The following MITF variants were observed in gnomAD, a reference collection of about 807,000 sequenced individuals.
MITF encodes microphthalmia-associated transcription factor.
In MITF, 17 loss-of-function variants were observed where a neutral mutation model predicts 60.5. The observed-to-expected ratio is 0.28, with a 90% CI of 0.19 to 0.42. The LOEUF (loss-of-function observed/expected upper bound fraction) is 0.42, where lower values mean the gene tolerates loss of function less well. MITF is among the 10% of genes least tolerant of loss of function. MITF has a pLI of 1.00. For missense variants in MITF, 622 were observed against 683.5 expected, an observed-to-expected ratio of 0.91 and a Z score of 1.00; for synonymous variants, 260 against 248.5, an observed-to-expected ratio of 1.05 and a Z score of -0.43.
Position 69,834,800 on chromosome 3 carries a change from A to G in MITF, c.105-44334A>G, listed in dbSNP as rs572385730. On this transcript the variant is annotated intron_variant, in intron 1 of 9. Transcript: ENST00000352241. ...ATTTACAATCTCTCTAACAGTGTGT[A>G]AGTGTTCCTTTTTCTCCACATCCTC... Among the ~76,000 whole-genome samples, 26 of 150,900 alleles carry G rather than the reference A, an allele frequency of 1.7e-4. No homozygotes were observed. The South Asian group carries it at 5.0e-3, about 29-fold the overall frequency.
chr3:69,822,593 G>A (rs2063293062), intron 1 of MITF, among the ~76,000 whole-genome samples: 1 of 152,062 alleles, frequency 6.6e-6, no homozygotes, highest in Non-Finnish European at 1.5e-5. Context: ...AACCCGAACA[G>A]AAACAAGAAA....
chr3:69,900,517 TGACTCATGAG>T (rs2064972558), intron 2 of MITF, among the ~76,000 whole-genome samples: 1 of 152,172 alleles, frequency 6.6e-6, no homozygotes, highest in Admixed American at 6.6e-5. Context: ...TCATCCTGAT[TGACTCATGAG>T]GTGACACTGG....
intron 1 of MITF, among the ~76,000 whole-genome samples, chr3:69,834,163 AAAAGAT>A (rs2063501687): frequency 6.6e-6 from 1 of 152,200 alleles, no homozygotes; most frequent in African/African-American, 2.4e-5. Flanking sequence ...CTTTGTGGTG[AAAAGAT>A]TCAAAAACCT....
intron 2 of MITF, among the ~76,000 whole-genome samples, chr3:69,926,590 G>C (rs764597610): frequency 6.6e-6 from 1 of 152,138 alleles, no homozygotes; most frequent in Admixed American, 6.5e-5. Context: ...AGACGTCTGC[G>C]ATTCTGAGGC....
intron 1 of MITF, among the ~76,000 whole-genome samples, chr3:69,859,466 G>C (rs1259903802): frequency 6.6e-6 from 1 of 152,074 alleles, no homozygotes; most frequent in East Asian, 1.9e-4. Context: ...CTCCTCCTTG[G>C]ACCAGAATGG....
intron 1 of MITF, among the ~76,000 whole-genome samples, chr3:69,834,978 T>C (rs2063517330): frequency 6.6e-6 from 1 of 151,576 alleles, no homozygotes; most frequent in African/African-American, 2.4e-5. Context: ...TGTGTATATT[T>C]TCTTTTGAAA....
intron 6 of MITF, 150 bp from the exon 7 acceptor site, chr3:69,951,662 T>C: frequency 1.5e-6 from 1 of 647,972 alleles, no homozygotes; most frequent in Non-Finnish European, 2.8e-6. Context: ...GCAAGCTTTT[T>C]AAAAAGATAT....
intron 2 of MITF, among the ~76,000 whole-genome samples, chr3:69,899,048 G>C (rs1295331634): frequency 6.6e-6 from 1 of 152,172 alleles, no homozygotes; most frequent in Non-Finnish European, 1.5e-5. Context: ...AGTAATTGCT[G>C]TAAAGGAAAG....
chr3:69,843,198 A>G (rs2063671150), intron 1 of MITF, among the ~76,000 whole-genome samples: 1 of 152,222 alleles, frequency 6.6e-6, no homozygotes, highest in Non-Finnish European at 1.5e-5. Context: ...TGTGAAGAAC[A>G]GATGTTCATT....
intron 1 of MITF, among the ~76,000 whole-genome samples, chr3:69,817,789 T>A (rs2063205274): frequency 6.6e-6 from 1 of 152,162 alleles, no homozygotes; most frequent in Non-Finnish European, 1.5e-5. Flanking sequence ...GTAATAACAA[T>A]AATGTACAAG....
chr3:69,937,721 G>A (rs1559732649), intron 2 of MITF, 101 bp from the exon 3 acceptor site: 4 of 937,022 alleles, frequency 4.3e-6, no homozygotes, highest in South Asian at 1.4e-5. Context: ...AATTTATTCT[G>A]TTGGTGGCCT....
At chr3:69,771,176 G>GAC (rs1015145303) in intron 1 of MITF, among the ~76,000 whole-genome samples, 2 of 151,780 alleles carry the variant, frequency 1.3e-5, no homozygotes, top group Non-Finnish European at 2.9e-5. Flanking sequence ...CAGCCAGAGA[G>GAC]ACTTGGGCAA....
intron 1 of MITF, among the ~76,000 whole-genome samples, chr3:69,833,923 A>G (rs1347503608): frequency 6.6e-6 from 1 of 152,220 alleles, no homozygotes; most frequent in Non-Finnish European, 1.5e-5. Flanking sequence ...TGCCTCTTTC[A>G]TGCACTACTG....
chr3:69,793,006 T>TA (rs1241335673), intron 1 of MITF, among the ~76,000 whole-genome samples: 4 of 121,630 alleles, frequency 3.3e-5, no homozygotes, highest in African/African-American at 9.5e-5. Flanking sequence ...AGCTTTTTTT[T>TA]TTTTTTTTTT....
chr3:69,878,874 T>G (rs1258445925), intron 1 of MITF, among the ~76,000 whole-genome samples: 1 of 143,364 alleles, frequency 7.0e-6, no homozygotes, highest in African/African-American at 2.5e-5. Flanking sequence ...GCATAAAATG[T>G]AAAAAAAAAA....
chr3:69,793,075 C>T (rs1254805941), intron 1 of MITF, among the ~76,000 whole-genome samples: 7 of 123,168 alleles, frequency 5.7e-5, no homozygotes, highest in African/African-American at 1.8e-4. Flanking sequence ...TACAGTGGTG[C>T]AATCACCGTT....
chr3:69,941,355 A>G, intron 5 of MITF, 24 bp downstream of exon 5: 3 of 1,500,472 alleles, frequency 2.0e-6, no homozygotes, highest in Non-Finnish European at 2.8e-6. Flanking sequence ...TTTTTTAAGT[A>G]GAAAATCTTG....
At chr3:69,760,062 G>A (rs2062189466) in intron 1 of MITF, among the ~76,000 whole-genome samples, 3 of 152,226 alleles carry the variant, frequency 2.0e-5, no homozygotes, top group Admixed American at 1.3e-4. Context: ...ACAGGCGTGA[G>A]CCACTGCGCC....
chr3:69,818,219 G>A (rs2063212186), intron 1 of MITF, among the ~76,000 whole-genome samples: 3 of 152,104 alleles, frequency 2.0e-5, no homozygotes, highest in South Asian at 4.1e-4. Flanking sequence ...CAACTTAAGG[G>A]GACCTAGGAA....
Sources: allele counts gnomAD v4.1 joint callset (sites outside exome capture counted in the v4.1 genomes callset), GRCh38; gene constraint gnomAD v4.1.1; transcripts MANE v1.5; gene names NCBI Gene and HGNC (gene_info 2026-07-23, HGNC 2026-07-21).